GNAS: variants seen among roughly 807,000 people sequenced by gnomAD.
GNAS encodes protein ALEX.
A neutral mutation model predicts 54.5 loss-of-function variants in GNAS; 8 were observed. That is an observed-to-expected ratio of 0.15 (90% CI 0.09 to 0.26). The LOEUF is 0.26. GNAS is among the 10% of genes least tolerant of loss of function. The pLI is 1.00. For missense variants in GNAS, 170 were observed against 529.8 expected (o/e 0.32, Z 6.67); for synonymous variants, 204 against 191.4 (o/e 1.07, Z -0.54).
At chr20:58,899,821 C>G in intron 3 of GNAS, 1 of 673,726 alleles carries the variant, frequency 1.5e-6, no homozygotes, top group South Asian at 1.7e-5. Flanking sequence ...ATGAGACCAT[C>G]CAGAACCATT....
chr20:58,875,822 G>C (rs1218284771), intron 1 of GNAS, among the ~76,000 whole-genome samples: 1 of 152,142 alleles, frequency 6.6e-6, no homozygotes, highest in Non-Finnish European at 1.5e-5. Flanking sequence ...ACAACAGTCA[G>C]GAAATAAAAG....
In GNAS at chr20:58,909,641, A is replaced by G. The variant is rs2146282775; in HGVS notation, c.719-43A>G. On this transcript the variant is annotated intron_variant, in intron 9 of 12. Transcript: ENST00000371085. The surrounding 1 kb of genome is among the most constrained non-coding windows in gnomAD (Gnocchi z 7.3). ...CTTTGCTTCTGTGTTGTTAGGGATC[A>G]GGGTCGCTGCTCACGCTCTTGGCTT... The G allele has an allele frequency of 1.2e-6, 2 of 1,614,132 alleles. No homozygotes were observed. Among genetic ancestry groups the G allele is most frequent in the Non-Finnish European group, 1.7e-6 (2 of 1,179,980 alleles).
intron 1 of GNAS, chr20:58,892,164 TC>T: frequency 1.0e-6 from 1 of 963,032 alleles, no homozygotes; most frequent in Non-Finnish European, 1.2e-6. Context: ...CCTCTTTCTC[TC>T]TTTCTCTCTT....
In GNAS at chr20:58,899,013, T is replaced by C. The variant is rs200973258; in HGVS notation, c.257+28T>C. 227 of 1,580,402 alleles carry C rather than the reference T, an allele frequency of 1.4e-4. 2 individuals are homozygous for C. The South Asian group carries it at 1.8e-3, about 13-fold the overall frequency. ...AGGCACATTCAAAACCAGAAAAAAT[T>C]GTTAACAAACCAAACAAACATGAAG... On this transcript the variant is annotated intron_variant, in intron 3 of 12. Coordinates refer to ENST00000371085, the MANE Select transcript of GNAS (RefSeq NM_000516.7).
chr20:58,840,392 T>G (rs759617960), upstream of GNAS: 1 of 1,613,320 alleles, frequency 6.2e-7, no homozygotes, highest in Admixed American at 1.7e-5. The surrounding 1 kb of genome is among the most constrained non-coding windows in gnomAD (Gnocchi z 6.0). Context: ...CCTTGAGCTG[T>G]CCCTCCCCGA....
chr20:58,910,541 C>G lies in GNAS; in HGVS notation c.1038+140C>G. ...CACGCACATCCAGTGTGGATTTGAG[C>G]TCTTTGCGCCCCTCTTTTTGCTTTT... is the stretch of plus-strand genomic sequence containing the variant. On this transcript the variant is annotated intron_variant, in intron 12 of 12. Coordinates refer to ENST00000371085, the MANE Select transcript of GNAS (RefSeq NM_000516.7). This position sits in a 1 kb window ranked among gnomAD's most constrained non-coding sequence, Gnocchi z 5.8. 8.5e-7 allele frequency: 1 copy of G among 1,177,594 alleles called. No homozygotes were observed. Among genetic ancestry groups the G allele is most frequent in the Non-Finnish European group, 1.3e-6 (1 of 794,972 alleles). The allele number at this position is 1,177,594 out of a possible 1,614,324, so 72.9% of individuals were successfully genotyped here.
chr20:58,892,885 C>T (rs1216053019), intron 1 of GNAS, among the ~76,000 whole-genome samples: 1 of 124,348 alleles, frequency 8.0e-6, no homozygotes, highest in South Asian at 3.2e-4. Context: ...CCCCACCCAC[C>T]ACGAGCAGCG....
At position 58,841,337 on chromosome 20, in the gene GNAS, G is replaced by A; in HGVS notation, c.43+451G>A. ...AGGTGCGCGCGCCAACTTTCACGAT[G>A]TGAGAGCAGCCGCGCTGTAGAGACA... On this transcript the variant is annotated intron_variant, in intron 1 of 12. Coordinates refer to the GNAS transcript ENST00000306090. This position sits in a 1 kb window ranked among gnomAD's most constrained non-coding sequence, Gnocchi z 5.0. 1.9e-6 allele frequency: 2 copies of A among 1,059,500 alleles called. No individual in the cohort carries two copies. Among genetic ancestry groups the A allele is most frequent in the Non-Finnish European group, 1.1e-6 (1 of 875,796 alleles). The allele number at this position is 1,059,500 out of a possible 1,614,324, so 65.6% of individuals were successfully genotyped here. A position where few individuals can be genotyped will look rare whatever the true frequency, so the allele number is the denominator to read the frequency against.
intron 1 of GNAS, among the ~76,000 whole-genome samples, chr20:58,880,042 C>T (rs139957352): frequency 2.0e-3 from 301 of 152,232 alleles, no homozygotes; most frequent in African/African-American, 6.7e-3. Context: ...TAGATAATCT[C>T]TCTCTCTCTC....
intron 1 of GNAS, among the ~76,000 whole-genome samples, chr20:58,882,372 G>A (rs2088292525): frequency 6.6e-6 from 1 of 152,204 alleles, no homozygotes. Context: ...TTATTATCAG[G>A]GAGCAACGGC....
rs868097536 is a variant in GNAS at position 58,860,122 on chromosome 20, T to C, written c.43+19236T>C. ...GAGTAGTCTGCTACTTTCTGAATTA[T>C]AGCAAAACGCACAGATCCCTGGTTA... On this transcript the variant is annotated intron_variant, in intron 1 of 12. Coordinates refer to the GNAS transcript ENST00000306090. Among the ~76,000 whole-genome samples the C allele has an allele frequency of 3.3e-5, 5 of 152,392 alleles. No individual in the cohort carries two copies. The South Asian group carries it at 1.0e-3, about 32-fold the overall frequency.
upstream of GNAS, among the ~76,000 whole-genome samples, chr20:58,887,954 A>G (rs2088706105): frequency 6.6e-6 from 1 of 152,184 alleles, no homozygotes; most frequent in African/African-American, 2.4e-5. Context: ...AAAGGGGGGA[A>G]TTTCAGTCAT....
At chr20:58,887,430 G>T (rs966085577), upstream of GNAS, among the ~76,000 whole-genome samples, 1 of 152,120 alleles carries the variant, frequency 6.6e-6, no homozygotes, top group South Asian at 2.1e-4. Context: ...GTCATCAAGC[G>T]GTTCTAATTT....
At chr20:58,892,812 C>T (rs2089606017) in intron 1 of GNAS, among the ~76,000 whole-genome samples, 1 of 151,834 alleles carries the variant, frequency 6.6e-6, no homozygotes, top group Non-Finnish European at 1.5e-5. Context: ...ACCTTTTTTT[C>T]CCCTTCCAGA....
chr20:58,882,021 T>C (rs894546981), intron 1 of GNAS, among the ~76,000 whole-genome samples: 76 of 152,312 alleles, frequency 5.0e-4, no homozygotes, highest in African/African-American at 1.6e-3. Flanking sequence ...TTCCCTACCT[T>C]TCTAGACATT....
intron 6 of GNAS, among the ~76,000 whole-genome samples, chr20:58,907,679 G>A (rs538503330): frequency 6.6e-6 from 1 of 152,292 alleles, no homozygotes; most frequent in Admixed American, 6.5e-5. Flanking sequence ...AACTTTGTCT[G>A]AAAACGCACC....
chr20:58,884,755 C>T (rs2088474143), intron 1 of GNAS: 1 of 152,244 alleles, frequency 6.6e-6, no homozygotes, highest in Admixed American at 6.5e-5. Flanking sequence ...AGCTTTCCTG[C>T]CGTAGAGCGG....
At chr20:58,840,692 C>T (rs919438504), upstream of GNAS, 1 of 1,604,144 alleles carries the variant, frequency 6.2e-7, no homozygotes, top group African/African-American at 1.3e-5. This position sits in a 1 kb window ranked among gnomAD's most constrained non-coding sequence, Gnocchi z 6.0. Flanking sequence ...GGAGCTCAAG[C>T]CCGAGGACAA....
chr20:58,902,688 G>T (rs1399130992), intron 3 of GNAS, among the ~76,000 whole-genome samples: 1 of 143,176 alleles, frequency 7.0e-6, no homozygotes, highest in African/African-American at 2.6e-5. Flanking sequence ...AAGTTTCATT[G>T]CTGCTAGCTG....
Sources: allele counts gnomAD v4.1 joint callset (sites outside exome capture counted in the v4.1 genomes callset), GRCh38; gene constraint gnomAD v4.1.1; non-coding constraint Gnocchi (gnomAD v3.1); transcripts MANE v1.5; gene names NCBI Gene and HGNC (gene_info 2026-07-23, HGNC 2026-07-21).